The following CNTN5 variants were observed in gnomAD, a reference collection of about 807,000 sequenced individuals.
CNTN5 encodes contactin-5.
Under a neutral mutation model 129.1 loss-of-function variants are expected in CNTN5, and 77 were observed. That is an observed-to-expected ratio of 0.60 (90% CI 0.50 to 0.72). The LOEUF is 0.72. Among genes scored for constraint, CNTN5 ranks in the 30% least tolerant of loss-of-function variants. The pLI, the probability that CNTN5 is intolerant of heterozygous loss-of-function variation, is 0.00. For missense variants in CNTN5, 1,478 were observed against 1,328.8 expected, an observed-to-expected ratio of 1.11 and a Z score of -1.75; for synonymous variants, 509 against 465.6, an observed-to-expected ratio of 1.09 and a Z score of -1.20.
chr11:99,436,856 T>C (rs1023760902), intron 2 of CNTN5, among the ~76,000 whole-genome samples: 2 of 152,176 alleles, frequency 1.3e-5, no homozygotes, highest in African/African-American at 2.4e-5. Context: ...CATCGAGATA[T>C]TTGAGTACCT....
At chr11:99,455,192 A>C (rs1208794660) in intron 2 of CNTN5, among the ~76,000 whole-genome samples, 2 of 152,172 alleles carry the variant, frequency 1.3e-5, no homozygotes, top group African/African-American at 2.4e-5. Flanking sequence ...TCACACACAA[A>C]GATGAACTAA....
intron 3 of CNTN5, among the ~76,000 whole-genome samples, chr11:99,646,144 G>A (rs1294123385): frequency 2.0e-5 from 3 of 152,206 alleles, no homozygotes; most frequent in South Asian, 2.1e-4. Flanking sequence ...ATTTGCAGTC[G>A]AAAACATTGG....
chr11:99,475,570 C>T (rs940048784), intron 2 of CNTN5, among the ~76,000 whole-genome samples: 1 of 151,972 alleles, frequency 6.6e-6, no homozygotes, highest in African/African-American at 2.4e-5. Context: ...ATTTCCTTCT[C>T]TTATCTTATT....
chr11:99,278,368 A>T (rs962085343), intron 1 of CNTN5, among the ~76,000 whole-genome samples: 5 of 151,832 alleles, frequency 3.3e-5, no homozygotes, highest in African/African-American at 1.2e-4. Flanking sequence ...TGAATATAAA[A>T]TTCAAGTTTG....
At chr11:100,307,849 T>C (rs1479972568) in intron 20 of CNTN5, among the ~76,000 whole-genome samples, 1 of 151,746 alleles carries the variant, frequency 6.6e-6, no homozygotes, top group African/African-American at 2.4e-5. Context: ...ATATTTTATA[T>C]ATACATTCTA....
At chr11:100,035,818 G>T (rs986201713) in intron 9 of CNTN5, among the ~76,000 whole-genome samples, 1 of 151,762 alleles carries the variant, frequency 6.6e-6, no homozygotes, top group Non-Finnish European at 1.5e-5. Context: ...TGATGGGGTT[G>T]TTTTTTTCTT....
At position 99,467,928 on chromosome 11, in the gene CNTN5, G is replaced by C. The variant is rs182014535; in HGVS notation, c.-70-88217G>C. ...GTGGTATTGAGATTGGGAAACATAAGATTCTAAAATTTCCTCTTCATTCCT... is the reference window on the plus strand; with the variant it reads ...GTGGTATTGAGATTGGGAAACATAACATTCTAAAATTTCCTCTTCATTCCT... On this transcript the variant is annotated intron_variant, in intron 2 of 24. Transcript: ENST00000524871. Among the ~76,000 whole-genome samples, 292 of 152,050 alleles carry C rather than the reference G, an allele frequency of 1.9e-3. 2 individuals are homozygous for C. The highest frequency in any genetic ancestry group is 6.7e-3 in the African/African-American group (279 of 41,526).
At chr11:99,380,937 T>G (rs954055562) in intron 2 of CNTN5, among the ~76,000 whole-genome samples, 1 of 152,112 alleles carries the variant, frequency 6.6e-6, no homozygotes, top group Non-Finnish European at 1.5e-5. Context: ...ATTTCAAACC[T>G]GTTTAAATAT....
intron 3 of CNTN5, among the ~76,000 whole-genome samples, chr11:99,787,518 GA>G (rs71463593): frequency 9.7e-4 from 136 of 139,914 alleles, no homozygotes; most frequent in Middle Eastern, 3.8e-3. Flanking sequence ...TTTTTACCCA[GA>G]AAAAAAAAAA....
chr11:100,009,158 T>TAAAATAGAAA (rs1940367433), intron 9 of CNTN5, among the ~76,000 whole-genome samples: 2 of 152,142 alleles, frequency 1.3e-5, no homozygotes, highest in African/African-American at 4.8e-5. Flanking sequence ...AGCCATAAGC[T>TAAAATAGAAA]GCAAGCTTTC....
intron 8 of CNTN5, among the ~76,000 whole-genome samples, chr11:99,983,227 T>C (rs1938463506): frequency 6.6e-6 from 1 of 152,202 alleles, no homozygotes; most frequent in African/African-American, 2.4e-5. Flanking sequence ...AATTTGAGTA[T>C]GGTTTTAAAA....
chr11:99,740,960 T>C (rs1370142630), intron 3 of CNTN5, among the ~76,000 whole-genome samples: 1 of 152,188 alleles, frequency 6.6e-6, no homozygotes, highest in Non-Finnish European at 1.5e-5. Flanking sequence ...ATATTACTAC[T>C]ATTTATTTTT....
chr11:99,267,921 C>CGT (rs1862982395), intron 1 of CNTN5, among the ~76,000 whole-genome samples: 1 of 40,278 alleles, frequency 2.5e-5, no homozygotes, highest in Admixed American at 3.3e-4. Context: ...CACACACACG[C>CGT]ACACACACAC....
chr11:99,428,108 G>T (rs1157840343), intron 2 of CNTN5, among the ~76,000 whole-genome samples: 1 of 151,990 alleles, frequency 6.6e-6, no homozygotes, highest in Non-Finnish European at 1.5e-5. Flanking sequence ...TACAAAATTT[G>T]TTCTCATAGA....
chr11:99,233,191 A>C (rs1428941090), intron 1 of CNTN5, among the ~76,000 whole-genome samples: 1 of 152,228 alleles, frequency 6.6e-6, no homozygotes. Flanking sequence ...AGCTGAATTG[A>C]ATTATCCTAG....
intron 2 of CNTN5, among the ~76,000 whole-genome samples, chr11:99,453,874 G>A (rs1565594792): frequency 6.6e-6 from 1 of 152,156 alleles, no homozygotes. Context: ...TTGGGAATGG[G>A]ATGCATCTTC....
chr11:99,319,755 A>G (rs1027078413), intron 1 of CNTN5, among the ~76,000 whole-genome samples: 1 of 152,162 alleles, frequency 6.6e-6, no homozygotes, highest in Admixed American at 6.6e-5. Flanking sequence ...AATTTGAACC[A>G]CCATTCTGGC....
chr11:99,211,001 T>C (rs1859747525), intron 1 of CNTN5, among the ~76,000 whole-genome samples: 1 of 152,174 alleles, frequency 6.6e-6, no homozygotes, highest in Non-Finnish European at 1.5e-5. Flanking sequence ...AATTCCTGTC[T>C]ATATAATCAG....
chr11:99,335,527 A>T (rs1866184533), intron 2 of CNTN5, among the ~76,000 whole-genome samples: 1 of 152,006 alleles, frequency 6.6e-6, no homozygotes, highest in Non-Finnish European at 1.5e-5. Context: ...GAGGGTAGGG[A>T]AAACAAGACC....
Sources: gnomAD v4.1 joint callset for allele counts (sites outside exome capture counted in the v4.1 genomes callset) on GRCh38, gnomAD v4.1.1 for gene constraint, MANE v1.5 for transcripts, NCBI Gene and HGNC (gene_info 2026-07-23, HGNC 2026-07-21) for gene names.